Variants in KIF26B observed in about 807,000 individuals in gnomAD.
KIF26B encodes the protein kinesin family member 26B.
In KIF26B, 63 loss-of-function variants were observed where a neutral mutation model predicts 151.2. That is an observed-to-expected ratio of 0.42 (90% CI 0.34 to 0.51). The LOEUF (loss-of-function observed/expected upper bound fraction) is 0.51. Among genes scored for constraint, KIF26B ranks in the 20% least tolerant of loss-of-function variants. The pLI is 0.07. For synonymous variants in KIF26B, 1,357 were observed against 1,262.1 expected (o/e 1.08, Z -1.59); for missense variants, 2,813 against 2,913.6 (o/e 0.97, Z 0.79).
chr1:245,549,134 T>C (rs1661820818), intron 5 of KIF26B, among the ~76,000 whole-genome samples: 1 of 152,126 alleles, frequency 6.6e-6, no homozygotes, highest in African/African-American at 2.4e-5. Flanking sequence ...CACGTGTGTG[T>C]GTGTAAGTGT....
intron 4 of KIF26B, among the ~76,000 whole-genome samples, chr1:245,521,303 C>G (rs111557813): frequency 0.23 from 34,477 of 150,926 alleles, 4,930 homozygotes; most frequent in Middle Eastern, 0.34. Context: ...CACCACTGCA[C>G]TCCATCCAGC....
chr1:245,224,918 A>G (rs112453380), intron 2 of KIF26B, among the ~76,000 whole-genome samples: 2,590 of 152,326 alleles, frequency 0.017, 69 homozygotes, highest in African/African-American at 0.059. Context: ...TGTATCAAAG[A>G]TGAATAGCCA....
At chr1:245,677,091 T>C (rs1258124564) in intron 10 of KIF26B, among the ~76,000 whole-genome samples, 1 of 152,222 alleles carries the variant, frequency 6.6e-6, no homozygotes, top group Non-Finnish European at 1.5e-5. Context: ...ATTAACTTCA[T>C]GTACTCTTAA....
rs150923742 is a variant in KIF26B at position 245,447,404 on chromosome 1, A to G, written c.1166+27659A>G. On this transcript the variant is annotated intron_variant, in intron 4 of 14. Coordinates refer to ENST00000407071, the MANE Select transcript of KIF26B (RefSeq NM_018012.4). ...CTTAATAAGGACTGCTATGGTCTGA[A>G]TGTTGGTGTGCCCCTACAATTCCCA... 1.6e-3 allele frequency among the ~76,000 whole-genome samples: 244 copies of G among 152,270 alleles called. 1 individual carries two copies. The highest frequency in any genetic ancestry group is 5.6e-3 in the African/African-American group (232 of 41,556).
rs1008974300 is a variant in KIF26B, at chr1:245,393,460, G to C, written c.999+26093G>C. Among the ~76,000 whole-genome samples, 6 of 151,906 alleles carry C rather than the reference G, an allele frequency of 3.9e-5. No homozygotes were observed. In the South Asian group the frequency reaches 6.2e-4, roughly 16 times the overall value. ...TATTGTTTCTCCTTCCGCAAAGATG[G>C]CTTCTGTTGTTTTGTTTTCTTCTCT... On this transcript the variant is annotated intron_variant, in intron 3 of 14. Transcript: ENST00000407071.
intron 9 of KIF26B, among the ~76,000 whole-genome samples, chr1:245,645,554 A>C (rs904204763): frequency 6.6e-6 from 1 of 152,160 alleles, no homozygotes; most frequent in Non-Finnish European, 1.5e-5. Context: ...ACTGAACGAA[A>C]CTGATGTTTG....
intron 4 of KIF26B, among the ~76,000 whole-genome samples, chr1:245,463,709 A>G (rs1184574489): frequency 6.6e-6 from 1 of 152,200 alleles, no homozygotes; most frequent in East Asian, 1.9e-4. Context: ...CAGGGCCACC[A>G]AAGCCCGTCT....
chr1:245,330,834 T>G (rs978993831), intron 2 of KIF26B, among the ~76,000 whole-genome samples: 282 of 55,120 alleles, frequency 5.1e-3, no homozygotes, highest in African/African-American at 8.8e-3. Context: ...GGGGAGGGAG[T>G]GGGGGTGTCG....
At chr1:245,506,932 G>T (rs188460705) in intron 4 of KIF26B, among the ~76,000 whole-genome samples, 1 of 152,098 alleles carries the variant, frequency 6.6e-6, no homozygotes, top group African/African-American at 2.4e-5. Flanking sequence ...CACCCACGTC[G>T]GCCTCCCAAG....
chr1:245,531,785 A>G (rs1344900832), intron 4 of KIF26B, among the ~76,000 whole-genome samples: 1 of 152,188 alleles, frequency 6.6e-6, no homozygotes, highest in African/African-American at 2.4e-5. Context: ...GCATTAAAAC[A>G]TAAGATAGAT....
At chr1:245,527,688 C>A (rs1005762679) in intron 4 of KIF26B, among the ~76,000 whole-genome samples, 1 of 151,468 alleles carries the variant, frequency 6.6e-6, no homozygotes, top group Non-Finnish European at 1.5e-5. Context: ...CGCCTGCAAC[C>A]ACGCCCGGCT....
intron 2 of KIF26B, among the ~76,000 whole-genome samples, chr1:245,246,544 T>C (rs758030962): frequency 6.6e-6 from 1 of 152,032 alleles, no homozygotes; most frequent in Non-Finnish European, 1.5e-5. Context: ...TCCCCACAAA[T>C]CAGCAATGAA....
intron 4 of KIF26B, among the ~76,000 whole-genome samples, chr1:245,434,478 G>A (rs1658856005): frequency 6.6e-6 from 1 of 152,166 alleles, no homozygotes; most frequent in South Asian, 2.1e-4. Flanking sequence ...AATACATGGG[G>A]AGAACCTAGT....
At chr1:245,369,032 G>A (rs1673031390) in intron 3 of KIF26B, among the ~76,000 whole-genome samples, 1 of 152,134 alleles carries the variant, frequency 6.6e-6, no homozygotes, top group Non-Finnish European at 1.5e-5. Flanking sequence ...CAGCTACTTG[G>A]GAGGCTGAAA....
intron 2 of KIF26B, among the ~76,000 whole-genome samples, chr1:245,221,865 G>C (rs1669781700): frequency 6.6e-6 from 1 of 152,194 alleles, no homozygotes; most frequent in Non-Finnish European, 1.5e-5. Context: ...GAAGTCAATA[G>C]CCTTGGCTTC....
chr1:245,589,863 A>C (rs1254018239), intron 5 of KIF26B, among the ~76,000 whole-genome samples: 2 of 152,194 alleles, frequency 1.3e-5, no homozygotes. Flanking sequence ...TACAGAAGAC[A>C]CTAAATCGGG....
At chr1:245,461,121 A>T (rs1659637425) in intron 4 of KIF26B, among the ~76,000 whole-genome samples, 1 of 152,102 alleles carries the variant, frequency 6.6e-6, no homozygotes, top group African/African-American at 2.4e-5. Flanking sequence ...GAAGCCTCTG[A>T]TAGTTGCCTT....
intron 4 of KIF26B, among the ~76,000 whole-genome samples, chr1:245,434,846 C>G (rs889601039): frequency 1.8e-4 from 27 of 152,294 alleles, no homozygotes; most frequent in African/African-American, 6.5e-4. Flanking sequence ...CTTCCCTTCT[C>G]CCTTCCTCAC....
At chr1:245,385,958 G>T (rs1223289069) in intron 3 of KIF26B, among the ~76,000 whole-genome samples, 1 of 152,202 alleles carries the variant, frequency 6.6e-6, no homozygotes, top group African/African-American at 2.4e-5. Context: ...TTCTGTGCCA[G>T]GTGTTGCATG....
Sources: allele counts gnomAD v4.1 joint callset (sites outside exome capture counted in the v4.1 genomes callset), GRCh38; gene constraint gnomAD v4.1.1; transcripts MANE v1.5; gene names NCBI Gene and HGNC (gene_info 2026-07-23, HGNC 2026-07-21).